The following GAS7 variants were observed in gnomAD, a reference collection of about 807,000 sequenced individuals.
The protein encoded by GAS7 is growth arrest specific 7, also known as growth arrest-specific protein 7.
GAS7 carries 28 observed loss-of-function variants against 71.1 expected under a neutral mutation model. The observed-to-expected ratio is 0.39, with a 90% CI of 0.29 to 0.54. The LOEUF (loss-of-function observed/expected upper bound fraction) is 0.54. Among genes scored for constraint, GAS7 ranks in the 20% least tolerant of loss-of-function variants. GAS7 has a pLI of 0.62. For missense variants in GAS7, 436 were observed against 627.8 expected (o/e 0.69, Z 3.27); for synonymous variants, 258 against 245.8 (o/e 1.05, Z -0.46).
intron 5 of GAS7, among the ~76,000 whole-genome samples, chr17:9,958,702 G>A (rs942044950): frequency 1.3e-5 from 2 of 152,184 alleles, no homozygotes; most frequent in East Asian, 1.9e-4. Context: ...TGGGCATCTC[G>A]AAGCGCCCTG....
intron 1 of GAS7, among the ~76,000 whole-genome samples, chr17:10,081,327 G>A (rs540613679): frequency 1.4e-5 from 2 of 146,920 alleles, no homozygotes; most frequent in African/African-American, 5.0e-5. Flanking sequence ...GCTAATTTTT[G>A]TATTTTTTTG....
At chr17:10,049,295 T>C (rs9894339) in intron 1 of GAS7, among the ~76,000 whole-genome samples, 14,742 of 152,264 alleles carry the variant, frequency 0.097, 1,848 homozygotes, top group African/African-American at 0.29. Flanking sequence ...TTCCTTAATT[T>C]GGGTAAGACC....
At chr17:10,178,509 G>A (rs914233439) in intron 1 of GAS7, among the ~76,000 whole-genome samples, 9 of 151,922 alleles carry the variant, frequency 5.9e-5, no homozygotes, top group African/African-American at 2.2e-4. Flanking sequence ...TGACAGCCAC[G>A]CCCACCACAG....
rs1004999615 is a variant in GAS7 at position 10,157,814 on chromosome 17, C to T, written c.183+40394G>A. 2.6e-5 allele frequency among the ~76,000 whole-genome samples: 4 copies of T among 152,156 alleles called. No individual in the cohort carries two copies. The East Asian group carries it at 7.7e-4, about 29-fold the overall frequency. ...TCACCCTTAGACACACACAATTTCACACACATGTGAAACCCAGATGGCCAG... is the reference window on the plus strand; with the variant it reads ...TCACCCTTAGACACACACAATTTCATACACATGTGAAACCCAGATGGCCAG... On this transcript the variant is annotated intron_variant, in intron 1 of 13. Transcript: ENST00000432992.
At chr17:10,089,239 A>G (rs1052114633) in intron 1 of GAS7, among the ~76,000 whole-genome samples, 2 of 152,160 alleles carry the variant, frequency 1.3e-5, no homozygotes, top group African/African-American at 4.8e-5. Flanking sequence ...CCATCCAGTC[A>G]CCCAGAGTGA....
chr17:10,119,079 G>A (rs2073885268), intron 1 of GAS7, among the ~76,000 whole-genome samples: 1 of 152,164 alleles, frequency 6.6e-6, no homozygotes, highest in Admixed American at 6.6e-5. Flanking sequence ...AAAAGCAGAA[G>A]GGAAATAAAC....
intron 2 of GAS7, among the ~76,000 whole-genome samples, chr17:9,984,456 G>C (rs895448536): frequency 3.3e-5 from 5 of 152,084 alleles, no homozygotes; most frequent in African/African-American, 1.2e-4. Flanking sequence ...AAGCAGAGAC[G>C]GTGTGAACAT....
chr17:10,012,340 A>G (rs373056513), intron 2 of GAS7, among the ~76,000 whole-genome samples: 34 of 152,066 alleles, frequency 2.2e-4, no homozygotes, highest in African/African-American at 7.2e-4. Flanking sequence ...CAGGCTGGAG[A>G]GCAATGGTGT....
intron 1 of GAS7, among the ~76,000 whole-genome samples, chr17:10,158,671 C>T (rs542205246): frequency 5.3e-5 from 8 of 152,014 alleles, no homozygotes; most frequent in South Asian, 4.2e-4. Flanking sequence ...ATGTTAATGG[C>T]GGAATCTGAT....
chr17:10,001,545 C>T (rs573060805), intron 2 of GAS7, among the ~76,000 whole-genome samples: 1 of 152,218 alleles, frequency 6.6e-6, no homozygotes, highest in East Asian at 1.9e-4. Flanking sequence ...CTGCAGCGGC[C>T]ATCAGGGTTG....
chr17:10,169,570 T>A (rs1320368812), intron 1 of GAS7, among the ~76,000 whole-genome samples: 1 of 152,182 alleles, frequency 6.6e-6, no homozygotes, highest in Non-Finnish European at 1.5e-5. Context: ...GATGACTCCA[T>A]GGCTGCCTTC....
At chr17:10,109,783 C>T (rs1446204714) in intron 1 of GAS7, among the ~76,000 whole-genome samples, 2 of 151,980 alleles carry the variant, frequency 1.3e-5, no homozygotes, top group African/African-American at 4.8e-5. Flanking sequence ...GGGCCAGGCG[C>T]GGTGGTACAC....
At chr17:10,196,127 G>A (rs918171103) in intron 1 of GAS7, among the ~76,000 whole-genome samples, 27 of 152,158 alleles carry the variant, frequency 1.8e-4, no homozygotes, top group Admixed American at 1.3e-3. Context: ...GGCTGCGCAT[G>A]CCCCTTTTCC....
At chr17:9,975,556 C>CCCGTT (rs2070165709) in intron 3 of GAS7, among the ~76,000 whole-genome samples, 1 of 150,864 alleles carries the variant, frequency 6.6e-6, no homozygotes, top group South Asian at 2.1e-4. Flanking sequence ...CTTCCTTCCA[C>CCCGTT]CCGTTCTCCT....
chr17:10,020,264 C>G, intron 1 of GAS7: 1 of 212,302 alleles, frequency 4.7e-6, no homozygotes, highest in Non-Finnish European at 9.6e-6. Flanking sequence ...AAATCTGAAG[C>G]CTGAAATTCC....
At chr17:10,017,125 T>A (rs2072059197) in intron 2 of GAS7, among the ~76,000 whole-genome samples, 1 of 145,224 alleles carries the variant, frequency 6.9e-6, no homozygotes, top group South Asian at 2.2e-4. Context: ...AGTGAGACCC[T>A]GTCTAAAAAA....
At chr17:10,184,835 G>T (rs2074439997) in intron 1 of GAS7, among the ~76,000 whole-genome samples, 1 of 152,106 alleles carries the variant, frequency 6.6e-6, no homozygotes. Flanking sequence ...GTTATTAGAG[G>T]ATTAGAGGGT....
chr17:10,129,058 T>C (rs761465855), intron 1 of GAS7, among the ~76,000 whole-genome samples: 2 of 152,126 alleles, frequency 1.3e-5, no homozygotes, highest in Non-Finnish European at 2.9e-5. Flanking sequence ...ATAAATAACA[T>C]AGGTAAGAGG....
At chr17:10,160,524 A>C (rs2074244820) in intron 1 of GAS7, among the ~76,000 whole-genome samples, 1 of 152,178 alleles carries the variant, frequency 6.6e-6, no homozygotes, top group African/African-American at 2.4e-5. Context: ...GGAAGAAGAA[A>C]GGCACCTAGA....
Sources: allele counts gnomAD v4.1 joint callset (sites outside exome capture counted in the v4.1 genomes callset), GRCh38; gene constraint gnomAD v4.1.1; transcripts MANE v1.5; gene names NCBI Gene and HGNC (gene_info 2026-07-23, HGNC 2026-07-21).